SUPT3H: variants seen among roughly 807,000 people sequenced by gnomAD.
The protein encoded by SUPT3H is SPT3 homolog, SAGA and STAGA complex component, also known as transcription initiation protein SPT3 homolog.
In SUPT3H, 44 loss-of-function variants were observed where a neutral mutation model predicts 44.3. The ratio of observed to expected loss-of-function variants is 0.99; its 90% CI spans 0.78 to 1.28. The LOEUF is 1.28. Among genes scored for constraint, SUPT3H ranks in the 50% most tolerant of loss-of-function variants. The pLI, the probability that SUPT3H is intolerant of heterozygous loss-of-function variation, is 0.00. For synonymous variants in SUPT3H, 124 were observed against 125.6 expected (o/e 0.99, Z 0.09); for missense variants, 380 against 387.1 (o/e 0.98, Z 0.15).
intron 2 of SUPT3H, among the ~76,000 whole-genome samples, chr6:45,181,080 G>C (rs1469247503): frequency 6.6e-6 from 1 of 151,558 alleles, no homozygotes; most frequent in Non-Finnish European, 1.5e-5. Context: ...CTTCTCAAAA[G>C]AAGACATTTA....
chr6:45,193,669 T>G (rs1344558343), intron 2 of SUPT3H, among the ~76,000 whole-genome samples: 1 of 152,120 alleles, frequency 6.6e-6, no homozygotes, highest in Non-Finnish European at 1.5e-5. Context: ...TGAGCTGAGA[T>G]CGTGTCATTG....
chr6:45,173,232 T>A (rs1202681959), intron 2 of SUPT3H, among the ~76,000 whole-genome samples: 1 of 152,252 alleles, frequency 6.6e-6, no homozygotes, highest in Non-Finnish European at 1.5e-5. Flanking sequence ...CTACTTGAAA[T>A]ATTATAAATC....
intron 2 of SUPT3H, among the ~76,000 whole-genome samples, chr6:45,316,139 G>GT (rs1393951316): frequency 4.6e-5 from 7 of 152,124 alleles, no homozygotes; most frequent in Non-Finnish European, 1.0e-4. Flanking sequence ...ACACAAAGGC[G>GT]TAACAATGAT....
At position 45,229,521 on chromosome 6, in the gene SUPT3H, C is replaced by CTA. The variant is rs568453879; in HGVS notation, c.102-123517_102-123516dup. On this transcript the variant is annotated intron_variant, in intron 2 of 10. Transcript: ENST00000371459. ...TTACATTCCAGACATAGATGGTGTT[C>CTA]TATATATATATAATCTTCTAAAACA... Among the ~76,000 whole-genome samples the CTA allele has an allele frequency of 3.7e-4, 56 of 151,852 alleles. 1 individual carries two copies. The East Asian group carries it at 9.1e-3, about 25-fold the overall frequency.
intron 2 of SUPT3H, among the ~76,000 whole-genome samples, chr6:45,222,844 G>A (rs1164514068): frequency 6.6e-6 from 1 of 152,018 alleles, no homozygotes; most frequent in Non-Finnish European, 1.5e-5. Context: ...TCCACACCAT[G>A]GAATACTCTT....
At chr6:44,876,324 TA>T (rs947513494) in intron 10 of SUPT3H, among the ~76,000 whole-genome samples, 2 of 61,032 alleles carry the variant, frequency 3.3e-5, no homozygotes, top group African/African-American at 6.4e-5. Context: ...TATGCAGCCA[TA>T]AAAAATGATG....
At chr6:44,930,241 C>A (rs750593864) in intron 10 of SUPT3H, among the ~76,000 whole-genome samples, 4 of 151,946 alleles carry the variant, frequency 2.6e-5, no homozygotes, top group Non-Finnish European at 4.4e-5. Flanking sequence ...ATTAGCCAGG[C>A]GTGATGGCGG....
At chr6:45,132,745 C>A (rs2153585146) in intron 2 of SUPT3H, among the ~76,000 whole-genome samples, 1 of 152,168 alleles carries the variant, frequency 6.6e-6, no homozygotes, top group African/African-American at 2.4e-5. Context: ...AAAAAATTTC[C>A]TTACTTTGCA....
chr6:44,950,567 A>G (rs1392722798), intron 9 of SUPT3H, among the ~76,000 whole-genome samples: 1 of 152,134 alleles, frequency 6.6e-6, no homozygotes, highest in Non-Finnish European at 1.5e-5. Flanking sequence ...CACTATGATC[A>G]TGCCTGTGAA....
chr6:44,980,478 T>A (rs1034164970), intron 6 of SUPT3H, among the ~76,000 whole-genome samples: 1 of 152,196 alleles, frequency 6.6e-6, no homozygotes, highest in Non-Finnish European at 1.5e-5. Flanking sequence ...TTACATTTCA[T>A]TGGCCACAAC....
At chr6:45,176,499 G>T (rs1350859011) in intron 2 of SUPT3H, among the ~76,000 whole-genome samples, 8 of 152,064 alleles carry the variant, frequency 5.3e-5, no homozygotes, top group Non-Finnish European at 1.2e-4. Context: ...GGCTGGGGGA[G>T]GGGCGCCTGC....
intron 2 of SUPT3H, among the ~76,000 whole-genome samples, chr6:45,271,599 T>C (rs1476457605): frequency 9.9e-5 from 15 of 152,146 alleles, no homozygotes; most frequent in Admixed American, 9.8e-4. Context: ...AAGTTTGCAG[T>C]AGGGGCAGGG....
At chr6:44,910,157 A>G (rs1202425035) in intron 10 of SUPT3H, among the ~76,000 whole-genome samples, 1 of 151,770 alleles carries the variant, frequency 6.6e-6, no homozygotes, top group Non-Finnish European at 1.5e-5. Context: ...TGTCTGTAGA[A>G]CCTCCCTTCC....
intron 6 of SUPT3H, among the ~76,000 whole-genome samples, chr6:44,966,788 C>G (rs1776842387): frequency 1.3e-5 from 2 of 152,178 alleles, no homozygotes; most frequent in South Asian, 4.1e-4. Context: ...GACATCATAT[C>G]ATTGTCAAAG....
intron 3 of SUPT3H, among the ~76,000 whole-genome samples, chr6:45,025,159 G>A (rs1253151451): frequency 6.6e-6 from 1 of 152,128 alleles, no homozygotes; most frequent in Non-Finnish European, 1.5e-5. Flanking sequence ...GTTAAATTAT[G>A]AGAAAATCCT....
intron 1 of SUPT3H, among the ~76,000 whole-genome samples, chr6:45,373,619 C>T (rs553712242): frequency 6.6e-6 from 1 of 152,158 alleles, no homozygotes; most frequent in Non-Finnish European, 1.5e-5. Context: ...TGCACGATCT[C>T]GGCTCACTGC....
intron 10 of SUPT3H, among the ~76,000 whole-genome samples, chr6:44,840,129 G>A (rs985642237): frequency 1.3e-5 from 2 of 152,198 alleles, no homozygotes; most frequent in South Asian, 4.1e-4. Flanking sequence ...CTTTTACTGC[G>A]ATTTCTTGAG....
At chr6:45,017,405 CATGAA>C (rs912501333) in intron 4 of SUPT3H, among the ~76,000 whole-genome samples, 1 of 151,236 alleles carries the variant, frequency 6.6e-6, no homozygotes, top group African/African-American at 2.4e-5. Context: ...GTGTTTTAGA[CATGAA>C]GTCCTTGCCC....
At chr6:44,826,344 G>T (rs962460945), downstream of SUPT3H, among the ~76,000 whole-genome samples, 1 of 152,158 alleles carries the variant, frequency 6.6e-6, no homozygotes, top group African/African-American at 2.4e-5. Flanking sequence ...GTTTCATCTT[G>T]AGTTTCAAAT....
Sources: allele counts gnomAD v4.1 joint callset (sites outside exome capture counted in the v4.1 genomes callset), GRCh38; gene constraint gnomAD v4.1.1; transcripts MANE v1.5; gene names NCBI Gene and HGNC (gene_info 2026-07-23, HGNC 2026-07-21).